ST7: variants seen among roughly 807,000 people sequenced by gnomAD.
ST7 encodes suppression of tumorigenicity 7.
ST7 carries 28 observed loss-of-function variants against 78.7 expected under a neutral mutation model. The observed-to-expected ratio is 0.36, with a 90% CI of 0.26 to 0.49. ST7 has a LOEUF of 0.49. ST7 is among the 20% of genes least tolerant of loss of function. The pLI is 0.99. For missense variants in ST7, 418 were observed against 696.0 expected (o/e 0.60, Z 4.49); for synonymous variants, 247 against 249.6 (o/e 0.99, Z 0.10).
chr7:116,992,609 G>A lies in ST7; in HGVS notation c.151+38918G>A, dbSNP rs149988475. ...CAGGTCTGTGATGAGAGAGGCTGCC[G>A]CAAAGGTCTCTGACATACCCTGGAG... On this transcript the variant is annotated intron_variant, in intron 1 of 15. Coordinates refer to ENST00000323984, the MANE Select transcript of ST7 (RefSeq NM_001369598.1). 8.3e-3 allele frequency among the ~76,000 whole-genome samples: 1,261 copies of A among 152,302 alleles called. 13 individuals are homozygous for A. Among genetic ancestry groups the A allele is most frequent in the African/African-American group, 0.028 (1,176 of 41,558 alleles).
At chr7:116,998,964 T>C (rs1794803078) in intron 1 of ST7, among the ~76,000 whole-genome samples, 2 of 152,220 alleles carry the variant, frequency 1.3e-5, no homozygotes, top group Admixed American at 1.3e-4. Flanking sequence ...AAAAGTAACC[T>C]TAGCAAAATA....
intron 10 of ST7, among the ~76,000 whole-genome samples, chr7:117,181,223 T>C (rs1044569116): frequency 1.3e-5 from 2 of 152,166 alleles, no homozygotes; most frequent in African/African-American, 4.8e-5. Context: ...AAGTCAGGTA[T>C]AAACTTAGAA....
rs953993228 is a variant in ST7 at position 117,020,641 on chromosome 7, G to T, written c.151+66950G>T. On this transcript the variant is annotated intron_variant, in intron 1 of 15. Coordinates refer to ENST00000323984, the MANE Select transcript of ST7 (RefSeq NM_001369598.1). ...CACTGAATCTTCATGTAAGTAAATG[G>T]ATCCCACTTCTCTGCTATTTAGAAA... The T allele has an allele frequency of 2.6e-6, 4 of 1,550,646 alleles. No homozygotes were observed. In the African/African-American group the frequency reaches 5.5e-5, roughly 21 times the overall value.
At chr7:117,168,929 CA>C (rs1807767633) in intron 9 of ST7, among the ~76,000 whole-genome samples, 1 of 152,122 alleles carries the variant, frequency 6.6e-6, no homozygotes, top group African/African-American at 2.4e-5. Flanking sequence ...ATGTTGACAT[CA>C]AAAACAGTTA....
In ST7 at chr7:117,190,828, T is replaced by C. The variant is rs202029466; in HGVS notation, c.1152-6T>C. ...CCTGGATGGTTTTTGTCTTTCTGCT[T>C]TTCAGATTCTCTCCTGAGGCTGCAT... On this transcript the variant is annotated splice_polypyrimidine_tract_variant and splice_region_variant and intron_variant, in intron 11 of 15. Coordinates refer to ENST00000323984, the MANE Select transcript of ST7 (RefSeq NM_001369598.1). The surrounding 1 kb of genome is among the most constrained non-coding windows in gnomAD (Gnocchi z 5.2). The C allele has an allele frequency of 5.6e-5, 90 of 1,613,492 alleles. No homozygotes were observed. Among genetic ancestry groups the C allele is most frequent in the Non-Finnish European group, 7.3e-5 (86 of 1,179,778 alleles).
rs745322741 is a variant in ST7 at position 117,131,983 on chromosome 7, G to A, written c.641+23G>A. 1.2e-5 allele frequency: 19 copies of A among 1,604,182 alleles called. No homozygotes were observed. In the South Asian group the frequency reaches 2.0e-4, roughly 17 times the overall value. On this transcript the variant is annotated intron_variant, in intron 6 of 15. Transcript: ENST00000323984. ...TGAGTAAGTGGGGGAAAATCTTGCT[G>A]TTAAAAAGGAAATCTCATCCTTTGC...
At chr7:117,093,141 C>T (rs1800758233) in intron 1 of ST7, among the ~76,000 whole-genome samples, 1 of 152,038 alleles carries the variant, frequency 6.6e-6, no homozygotes, top group South Asian at 2.1e-4. Flanking sequence ...TCAAAATCAC[C>T]CTCAGGTTTA....
intron 1 of ST7, chr7:116,966,245 TTC>T: frequency 1.8e-5 from 5 of 271,092 alleles, no homozygotes; most frequent in South Asian, 3.9e-5. Flanking sequence ...TCTTTTTTCT[TTC>T]TTTTTTTTTT....
intron 1 of ST7, among the ~76,000 whole-genome samples, chr7:117,028,402 G>A (rs930315425): frequency 1.3e-5 from 2 of 152,086 alleles, no homozygotes; most frequent in African/African-American, 4.8e-5. Flanking sequence ...TAGCAAGCCC[G>A]ATTGTAAAGC....
intron 10 of ST7, among the ~76,000 whole-genome samples, chr7:117,172,746 A>G (rs1318147057): frequency 6.6e-6 from 1 of 152,202 alleles, no homozygotes; most frequent in East Asian, 1.9e-4. Flanking sequence ...GCACTTTTCC[A>G]AATGCCACTC....
In ST7 at chr7:116,988,473, A is replaced by G. The variant is rs544178393; in HGVS notation, c.151+34782A>G. Among the ~76,000 whole-genome samples the G allele has an allele frequency of 2.6e-5, 4 of 152,330 alleles. No individual in the cohort carries two copies. The South Asian group carries it at 8.3e-4, about 32-fold the overall frequency. On this transcript the variant is annotated intron_variant, in intron 1 of 15. Coordinates refer to ENST00000323984, the MANE Select transcript of ST7 (RefSeq NM_001369598.1). ...TGTATTTTTCAGAGAGTCCTTTAACATTGTTATATACAGATTTCATAGTCA... is the reference window on the plus strand; with the variant it reads ...TGTATTTTTCAGAGAGTCCTTTAACGTTGTTATATACAGATTTCATAGTCA...
At chr7:117,072,925 A>G (rs1353690203) in intron 1 of ST7, 1 of 152,282 alleles carries the variant, frequency 6.6e-6, no homozygotes, top group South Asian at 2.1e-4. Flanking sequence ...ATGAGGGGCA[A>G]TAAGGGCACC....
At chr7:117,136,037 T>A in intron 7 of ST7, 44 bp from the exon 8 acceptor site, 1 of 1,602,642 alleles carries the variant, frequency 6.2e-7, no homozygotes, top group South Asian at 1.1e-5. Flanking sequence ...TATTACCATG[T>A]CCTTGGCTTT....
At chr7:117,035,729 A>G (rs948234098) in intron 1 of ST7, among the ~76,000 whole-genome samples, 4 of 152,180 alleles carry the variant, frequency 2.6e-5, no homozygotes, top group African/African-American at 9.6e-5. Context: ...TTTTAAGTAG[A>G]TAAAACTGAG....
intron 13 of ST7, among the ~76,000 whole-genome samples, chr7:117,214,618 C>T (rs531794298): frequency 1.3e-5 from 2 of 152,086 alleles, no homozygotes; most frequent in African/African-American, 4.8e-5. Context: ...AGGCTAAAGT[C>T]GCTGGTCATA....
chr7:116,977,631 A>C (rs1156864252), intron 1 of ST7, among the ~76,000 whole-genome samples: 3 of 152,148 alleles, frequency 2.0e-5, no homozygotes, highest in African/African-American at 7.2e-5. Flanking sequence ...GGCTCATTGC[A>C]CCCTCTGCCT....
rs79911110 is a variant in ST7 at position 117,008,004 on chromosome 7, T to C, written c.151+54313T>C. On this transcript the variant is annotated intron_variant, in intron 1 of 15. Transcript: ENST00000323984. ...AGAATCTGTGTTAAAATTTTAAGAA[T>C]GTAGCAGTTGTCTTGATTAGAAATA... Among the ~76,000 whole-genome samples the C allele has an allele frequency of 5.2e-3, 792 of 152,326 alleles. 37 individuals carry two copies. In the East Asian group the frequency reaches 0.11, roughly 21 times the overall value.
At chr7:116,998,949 A>C (rs1160969124) in intron 1 of ST7, among the ~76,000 whole-genome samples, 1 of 152,214 alleles carries the variant, frequency 6.6e-6, no homozygotes, top group East Asian at 1.9e-4. Flanking sequence ...AGGAACAGTA[A>C]GGGCAAAAGT....
rs1297932587 is a variant in ST7, at chr7:117,222,014, C to T, written c.1590C>T (p.Ala530=). The T allele has an allele frequency of 6.2e-7, 1 of 1,612,698 alleles. No homozygotes were observed. The highest frequency in any genetic ancestry group is 8.5e-7 in the Non-Finnish European group (1 of 1,179,426). ...TATGTTCCTTCACAGCCATGCTGGC[C>T]CTCCTGACACATCAGTTCCCGGAAC... ...AGLCSFTAML[A]LLTHQFPELM... Residue 530 remains alanine (A), a synonymous_variant, in exon 15 of 16, where the codon GCC becomes GCT. Coordinates refer to ENST00000323984, the MANE Select transcript of ST7 (RefSeq NM_001369598.1).
Sources: allele counts gnomAD v4.1 joint callset (sites outside exome capture counted in the v4.1 genomes callset), GRCh38; gene constraint gnomAD v4.1.1; non-coding constraint Gnocchi (gnomAD v3.1); transcripts MANE v1.5; gene names NCBI Gene and HGNC (gene_info 2026-07-23, HGNC 2026-07-21).